Variants in ARHGAP26 observed in about 807,000 individuals in gnomAD.
The protein encoded by ARHGAP26 is Rho GTPase activating protein 26, also known as rho GTPase-activating protein 26.
In ARHGAP26, 38 loss-of-function variants were observed where a neutral mutation model predicts 104.8. The ratio of observed to expected loss-of-function variants is 0.36; its 90% CI spans 0.28 to 0.48. The LOEUF (loss-of-function observed/expected upper bound fraction) is 0.48. ARHGAP26 is among the 20% of genes least tolerant of loss of function. The probability of loss-of-function intolerance (pLI) is 0.99; values close to 1 mark genes in which losing one functional copy is unlikely to be tolerated. For missense variants in ARHGAP26, 704 were observed against 947.9 expected (o/e 0.74, Z 3.38); for synonymous variants, 341 against 340.0 (o/e 1.00, Z -0.03).
At chr5:143,070,316 C>T (rs1234683929) in intron 17 of ARHGAP26, among the ~76,000 whole-genome samples, 1 of 152,198 alleles carries the variant, frequency 6.6e-6, no homozygotes, top group African/African-American at 2.4e-5. Context: ...TCATTCTCCC[C>T]AGCCCTAACC....
At chr5:143,146,769 CTA>C (rs1799209796) in intron 19 of ARHGAP26, among the ~76,000 whole-genome samples, 1 of 152,096 alleles carries the variant, frequency 6.6e-6, no homozygotes, top group African/African-American at 2.4e-5. Context: ...TGGTGAGGCT[CTA>C]TGGAATTGGA....
At chr5:143,195,048 G>C (rs1664171947) in intron 20 of ARHGAP26, among the ~76,000 whole-genome samples, 1 of 152,200 alleles carries the variant, frequency 6.6e-6, no homozygotes, top group African/African-American at 2.4e-5. Flanking sequence ...TACTAAATAA[G>C]CACCAGAATT....
chr5:142,896,558 C>T (rs185224264), intron 6 of ARHGAP26, among the ~76,000 whole-genome samples: 18 of 152,268 alleles, frequency 1.2e-4, no homozygotes, highest in Admixed American at 1.3e-4. Flanking sequence ...GGGTTTTCCT[C>T]CTCCTTCTTC....
At chr5:142,876,455 CAA>C (rs1487101998) in intron 3 of ARHGAP26, among the ~76,000 whole-genome samples, 3 of 152,046 alleles carry the variant, frequency 2.0e-5, no homozygotes, top group African/African-American at 7.2e-5. Flanking sequence ...GGTTCAAACC[CAA>C]GTCTGCATTA....
intron 11 of ARHGAP26, among the ~76,000 whole-genome samples, chr5:142,956,664 A>T (rs1170394564): frequency 6.6e-6 from 1 of 152,188 alleles, no homozygotes; most frequent in Non-Finnish European, 1.5e-5. Context: ...TGAACATGGT[A>T]TTGGAGACTT....
At position 143,103,342 on chromosome 5, in the gene ARHGAP26, G is replaced by A. The variant is rs1793532070; in HGVS notation, c.1539-17646G>A. 5 of 543,548 alleles carry A rather than the reference G, an allele frequency of 9.2e-6. No individual in the cohort carries two copies. The South Asian group carries it at 3.2e-4, about 35-fold the overall frequency. The allele number at this position is 543,548 out of a possible 1,614,324, so 33.7% of individuals were successfully genotyped here. A position where few individuals can be genotyped will look rare whatever the true frequency, so the allele number is the denominator to read the frequency against. ...GAAATAGGAACGATTTTACACTGTT[G>A]GTGGGAGTGTAAATTAGTTCAACCA... On this transcript the variant is annotated intron_variant, in intron 17 of 22. Transcript: ENST00000645722.
At chr5:143,218,480 T>TTCTTTTGGGG (rs1810674397) in intron 22 of ARHGAP26, among the ~76,000 whole-genome samples, 1 of 152,184 alleles carries the variant, frequency 6.6e-6, no homozygotes. Flanking sequence ...CCTCTTTTAG[T>TTCTTTTGGGG]TAAGACTTCT....
intron 1 of ARHGAP26, among the ~76,000 whole-genome samples, chr5:142,849,617 G>C (rs1751129086): frequency 6.6e-6 from 1 of 152,082 alleles, no homozygotes; most frequent in Non-Finnish European, 1.5e-5. Context: ...CAGAAGGTCT[G>C]CCTCTCTTTG....
At chr5:142,894,497 C>T (rs1759185124) in intron 6 of ARHGAP26, 149 bp downstream of exon 6, 1 of 706,430 alleles carries the variant, frequency 1.4e-6, no homozygotes, top group South Asian at 1.8e-5. Context: ...CTTTGCGAGC[C>T]TGGCTGCCTT....
At chr5:143,058,456 A>G (rs138558649) in intron 17 of ARHGAP26, among the ~76,000 whole-genome samples, 66 of 152,346 alleles carry the variant, frequency 4.3e-4, no homozygotes, top group African/African-American at 1.4e-3. Flanking sequence ...CCCTTTCACA[A>G]ATGGCATTGC....
At position 142,882,584 on chromosome 5, in the gene ARHGAP26, G is replaced by C. The variant is rs372088600; in HGVS notation, c.385-2714G>C. 1.3e-3 allele frequency among the ~76,000 whole-genome samples: 193 copies of C among 152,292 alleles called. 5 individuals are homozygous for C. The South Asian group carries it at 0.037, about 29-fold the overall frequency. On this transcript the variant is annotated intron_variant, in intron 4 of 22. Coordinates refer to ENST00000645722, the MANE Select transcript of ARHGAP26 (RefSeq NM_001135608.3). ...CCAATTGTAGTAGGTTCTTGGGACG[G>C]TTACCTTCATGGCACACAGGACATG...
intron 20 of ARHGAP26, among the ~76,000 whole-genome samples, chr5:143,158,421 G>GCCAACTGGAC (rs1800773557): frequency 1.3e-5 from 2 of 152,286 alleles, no homozygotes; most frequent in Admixed American, 1.3e-4. Context: ...GTTGGGTGGA[G>GCCAACTGGAC]CCAACTGGAA....
intron 11 of ARHGAP26, among the ~76,000 whole-genome samples, chr5:142,963,172 G>GTATA (rs58576577): frequency 0.028 from 2,516 of 88,596 alleles, 48 homozygotes; most frequent in Non-Finnish European, 0.042. Context: ...TGGTATATAT[G>GTATA]TATATATATA....
At chr5:142,986,819 G>A (rs2152743989) in intron 11 of ARHGAP26, among the ~76,000 whole-genome samples, 1 of 152,254 alleles carries the variant, frequency 6.6e-6, no homozygotes, top group Non-Finnish European at 1.5e-5. Context: ...GGTTGTAGAT[G>A]TGTGGTATTA....
At chr5:142,987,002 A>G (rs1774843694) in intron 11 of ARHGAP26, among the ~76,000 whole-genome samples, 1 of 152,148 alleles carries the variant, frequency 6.6e-6, no homozygotes, top group South Asian at 2.1e-4. Context: ...TTTTGGTTCC[A>G]TATGAACTTT....
intron 1 of ARHGAP26, among the ~76,000 whole-genome samples, chr5:142,804,348 A>T (rs1762593590): frequency 6.6e-6 from 1 of 152,188 alleles, no homozygotes; most frequent in African/African-American, 2.4e-5. Context: ...ATGTGGACCT[A>T]GTTTTGGTCT....
In ARHGAP26 at chr5:143,225,071, G is replaced by A. The variant is rs1435993903; in HGVS notation, c.*2625G>A. ...TAGTAGGTTAGATCTGTGAACCTGA[G>A]GACAAGAAGACCTTGGGAAATGGAG... On this transcript the variant is annotated 3_prime_UTR_variant, in exon 23 of 23. Coordinates refer to ENST00000645722, the MANE Select transcript of ARHGAP26 (RefSeq NM_001135608.3). The A allele has an allele frequency of 1.0e-4, 23 of 225,248 alleles. No homozygotes were observed. Among genetic ancestry groups the A allele is most frequent in the Admixed American group, 7.4e-4 (13 of 17,514 alleles). The allele number at this position is 225,248 out of a possible 1,614,324, so 14.0% of individuals were successfully genotyped here. A position where few individuals can be genotyped will look rare whatever the true frequency, so the allele number is the denominator to read the frequency against.
intron 1 of ARHGAP26, among the ~76,000 whole-genome samples, chr5:142,816,505 G>A (rs1765160871): frequency 6.6e-6 from 1 of 152,238 alleles, no homozygotes; most frequent in African/African-American, 2.4e-5. Flanking sequence ...TAGTGGAGAA[G>A]CAAAGGCATC....
chr5:142,982,979 G>A (rs1464644535), intron 11 of ARHGAP26, among the ~76,000 whole-genome samples: 1 of 152,172 alleles, frequency 6.6e-6, no homozygotes, highest in Non-Finnish European at 1.5e-5. Flanking sequence ...TGCATCTGGG[G>A]TTGGTGGTTA....
Sources: gnomAD v4.1 joint callset for allele counts (sites outside exome capture counted in the v4.1 genomes callset) on GRCh38, gnomAD v4.1.1 for gene constraint, MANE v1.5 for transcripts, NCBI Gene and HGNC (gene_info 2026-07-23, HGNC 2026-07-21) for gene names.